LRTM1: variants seen among roughly 807,000 people sequenced by gnomAD.
LRTM1 encodes the protein leucine rich repeat transmembrane protein 1.
LRTM1 carries 38 observed loss-of-function variants against 32.4 expected under a neutral mutation model. That is an observed-to-expected ratio of 1.17 (90% CI 0.91 to 1.54). The LOEUF is 1.54. LRTM1 is among the 40% of genes most tolerant of loss of function. The pLI is 0.00. For missense variants in LRTM1, 466 were observed against 415.4 expected (o/e 1.12, Z -1.06); for synonymous variants, 186 against 169.9 (o/e 1.09, Z -0.74).
intron 1 of LRTM1, among the ~76,000 whole-genome samples, chr3:54,944,812 GGGGTGTGTGTGTGTGTGT>G (rs1484114996): frequency 6.8e-6 from 1 of 146,164 alleles, no homozygotes; most frequent in Non-Finnish European, 1.5e-5. Context: ...GTTAGAGCTG[GGGGTGTGTGTGTGTGTGT>G]GTGTGTGTGT....
chr3:54,944,812 GGGGTGTGT>G (rs59619807), intron 1 of LRTM1, among the ~76,000 whole-genome samples: 22,759 of 146,250 alleles, frequency 0.16, 2,057 homozygotes, highest in African/African-American at 0.29. Context: ...GTTAGAGCTG[GGGGTGTGT>G]GTGTGTGTGT....
At chr3:54,963,708 G>T (rs1206915834) in intron 1 of LRTM1, among the ~76,000 whole-genome samples, 1 of 152,164 alleles carries the variant, frequency 6.6e-6, no homozygotes, top group African/African-American at 2.4e-5. Flanking sequence ...TGGGGATGCT[G>T]AAGTGTGAAT....
At chr3:54,949,823 C>A (rs1701711875) in intron 1 of LRTM1, among the ~76,000 whole-genome samples, 1 of 152,156 alleles carries the variant, frequency 6.6e-6, no homozygotes, top group Non-Finnish European at 1.5e-5. Context: ...GTGATTCTTT[C>A]TGAAAACTGG....
At chr3:54,947,090 C>A (rs1247286385) in intron 1 of LRTM1, among the ~76,000 whole-genome samples, 1 of 152,136 alleles carries the variant, frequency 6.6e-6, no homozygotes, top group Non-Finnish European at 1.5e-5. Context: ...TACTATAATA[C>A]CAAAACTAAC....
upstream of LRTM1, among the ~76,000 whole-genome samples, chr3:54,928,225 C>T (rs1199138022): frequency 2.6e-5 from 4 of 152,252 alleles, no homozygotes; most frequent in African/African-American, 7.2e-5. Flanking sequence ...CGATGAGCCG[C>T]GTAAAGAATG....
rs1463597999 is a variant in LRTM1 at position 54,957,141 on chromosome 3, A to G, written c.-222+9787T>C. On this transcript the variant is annotated intron_variant, in intron 1 of 2. Transcript: ENST00000493075. Reference sequence around the variant, plus strand: ...ATGATTACTATGTGATATAATTCCTATGAATCAAGTTATAAAATAATTTTC... The same window carrying G: ...ATGATTACTATGTGATATAATTCCTGTGAATCAAGTTATAAAATAATTTTC... Among the ~76,000 whole-genome samples the G allele has an allele frequency of 2.0e-5, 3 of 149,918 alleles. No homozygotes were observed. The East Asian group carries it at 6.0e-4, about 30-fold the overall frequency.
chr3:54,929,998 C>G (rs1026862680), upstream of LRTM1, among the ~76,000 whole-genome samples: 1 of 152,132 alleles, frequency 6.6e-6, no homozygotes, highest in East Asian at 1.9e-4. Context: ...TTTGTGAAGG[C>G]CAGATAGTAA....
chr3:54,919,704 AAAT>A (rs1448024353), intron 2 of LRTM1, among the ~76,000 whole-genome samples: 2 of 152,186 alleles, frequency 1.3e-5, no homozygotes, highest in Admixed American at 6.5e-5. Context: ...GACTTTGGGA[AAAT>A]GTGCTTCGCT....
intron 1 of LRTM1, among the ~76,000 whole-genome samples, chr3:54,940,203 C>T (rs17054582): frequency 0.18 from 27,038 of 152,162 alleles, 3,198 homozygotes; most frequent in African/African-American, 0.34. Flanking sequence ...ACTTTTGAGA[C>T]ATGTGCACAG....
Position 54,918,781 on chromosome 3 carries a change from G to A in LRTM1, c.716C>T (p.Pro239Leu). The A allele has an allele frequency of 6.2e-7, 1 of 1,614,108 alleles. No individual in the cohort carries two copies. Among genetic ancestry groups the A allele is most frequent in the Non-Finnish European group, 8.5e-7 (1 of 1,179,996 alleles). The change falls in exon 3 of 3, where the codon CCA (proline) becomes CTA (leucine). Residue 239 changes from proline (P) to leucine (L), a missense_variant. Coordinates refer to ENST00000273286, the MANE Select transcript of LRTM1 (RefSeq NM_020678.4). ...YQPCPLPAPDPVSSQAQWPGS... is the reference protein window; with the variant it reads ...YQPCPLPAPDLVSSQAQWPGS... ...GGGCCACTGAGCCTGCGAGGACACT[G>A]GATCAGGAGCAGGAAGAGGGCAGGG...
At chr3:54,927,316 G>C (rs1436056517) in intron 1 of LRTM1, among the ~76,000 whole-genome samples, 1 of 152,162 alleles carries the variant, frequency 6.6e-6, no homozygotes, top group Non-Finnish European at 1.5e-5. Flanking sequence ...AAGGGATGCA[G>C]AACATCACAG....
intron 1 of LRTM1, among the ~76,000 whole-genome samples, chr3:54,965,951 A>G (rs1702139501): frequency 6.6e-6 from 1 of 152,282 alleles, no homozygotes; most frequent in Non-Finnish European, 1.5e-5. Flanking sequence ...AGCAGCCTGC[A>G]TGATTAATGG....
intron 1 of LRTM1, among the ~76,000 whole-genome samples, chr3:54,943,997 C>A (rs1424926267): frequency 6.6e-6 from 1 of 152,180 alleles, no homozygotes; most frequent in African/African-American, 2.4e-5. Context: ...GCCTTCGTTT[C>A]CTAACCATTT....
intron 1 of LRTM1, among the ~76,000 whole-genome samples, chr3:54,950,637 G>A (rs1158764945): frequency 6.6e-6 from 1 of 152,146 alleles, no homozygotes; most frequent in East Asian, 1.9e-4. Context: ...CCAGGCTGTG[G>A]CAGGGCAGCC....
At chr3:54,936,842 A>G (rs571707558) in intron 1 of LRTM1, among the ~76,000 whole-genome samples, 9 of 152,296 alleles carry the variant, frequency 5.9e-5, no homozygotes, top group African/African-American at 1.9e-4. Context: ...TCAACAAGCA[A>G]GCTCCTTCAT....
chr3:54,935,556 A>G (rs1701306819), intron 1 of LRTM1, among the ~76,000 whole-genome samples: 1 of 152,168 alleles, frequency 6.6e-6, no homozygotes, highest in Non-Finnish European at 1.5e-5. Context: ...TTGAGTGGCT[A>G]CTTTTGTCTG....
intron 2 of LRTM1, among the ~76,000 whole-genome samples, chr3:54,921,719 T>G (rs1399200835): frequency 6.6e-6 from 1 of 152,140 alleles, no homozygotes; most frequent in East Asian, 1.9e-4. Context: ...GTGATAAACT[T>G]GGCGACATCA....
chr3:54,936,024 G>A (rs182919736), intron 1 of LRTM1, among the ~76,000 whole-genome samples: 11 of 152,156 alleles, frequency 7.2e-5, no homozygotes, highest in Non-Finnish European at 1.2e-4. Context: ...CAAAAATACC[G>A]CCTCCAACAT....
chr3:54,923,671 G>T lies in LRTM1; in HGVS notation c.604+948C>A, dbSNP rs539546664. 7.9e-5 allele frequency among the ~76,000 whole-genome samples: 12 copies of T among 152,316 alleles called. No homozygotes were observed. The South Asian group carries it at 8.3e-4, about 11-fold the overall frequency. On this transcript the variant is annotated intron_variant, in intron 2 of 2. Transcript: ENST00000273286. ...AAGGCACTCAAATATAGAAATGAAT[G>T]AATCATGCTGAGAGCTAGGAAGAGT...
Sources: gnomAD v4.1 joint callset for allele counts (sites outside exome capture counted in the v4.1 genomes callset) on GRCh38, gnomAD v4.1.1 for gene constraint, MANE v1.5 for transcripts, NCBI Gene and HGNC (gene_info 2026-07-23, HGNC 2026-07-21) for gene names.